Variants in CADM2 observed in about 807,000 individuals in gnomAD.
CADM2 encodes immunoglobulin superfamily member 4D.
CADM2 carries 12 observed loss-of-function variants against 49.8 expected under a neutral mutation model. The observed-to-expected ratio is 0.24, with a 90% confidence interval of 0.15 to 0.39. The LOEUF (loss-of-function observed/expected upper bound fraction) is 0.39. Among genes scored for constraint, CADM2 ranks in the 10% least tolerant of loss-of-function variants. CADM2 has a pLI of 1.00. For missense variants in CADM2, 378 were observed against 492.3 expected (o/e 0.77, Z 2.20); for synonymous variants, 214 against 175.4 (o/e 1.22, Z -1.74).
chr3:85,633,381 G>T (rs1399825932), intron 1 of CADM2, among the ~76,000 whole-genome samples: 3 of 151,966 alleles, frequency 2.0e-5, no homozygotes, highest in Non-Finnish European at 4.4e-5. Context: ...TATTGGAAAA[G>T]TATGAACTAT....
At chr3:85,204,357 T>C (rs537081941) in intron 1 of CADM2, among the ~76,000 whole-genome samples, 1 of 152,178 alleles carries the variant, frequency 6.6e-6, no homozygotes, top group Non-Finnish European at 1.5e-5. Flanking sequence ...ATATGTACCT[T>C]GCCACTCTAC....
At position 85,620,543 on chromosome 3, in the gene CADM2, A is replaced by G. The variant is rs1042059468; in HGVS notation, c.62-105979A>G. On this transcript the variant is annotated intron_variant, in intron 1 of 9. Coordinates refer to ENST00000383699, the MANE Select transcript of CADM2 (RefSeq NM_001167675.2). ...CATAACTGTAAGTTAGTGAATTTCC[A>G]TTATAAAATGGAAATTGTAAATACT... is the stretch of plus-strand genomic sequence containing the variant. Among the ~76,000 whole-genome samples, 5 of 152,082 alleles carry G rather than the reference A, an allele frequency of 3.3e-5. No individual in the cohort carries two copies. The East Asian group carries it at 9.6e-4, about 29-fold the overall frequency.
chr3:85,992,052 G>A (rs958481034), intron 8 of CADM2: 2 of 151,618 alleles, frequency 1.3e-5, no homozygotes, highest in East Asian at 1.9e-4. Context: ...AAAAGTTTTC[G>A]CTTCTTACTT....
intron 1 of CADM2, among the ~76,000 whole-genome samples, chr3:85,184,451 A>C (rs1160845667): frequency 6.6e-6 from 1 of 152,126 alleles, no homozygotes; most frequent in African/African-American, 2.4e-5. Context: ...ATGCAACTTT[A>C]AAAATATTAC....
rs1321028379 is a variant in CADM2, at chr3:85,237,992, T to G, written c.61+278324T>G. On this transcript the variant is annotated intron_variant, in intron 1 of 9. Transcript: ENST00000383699. Reference sequence around the variant, plus strand: ...GCTACTATTGTTGTTTAGTTTTTAATTAAAATATAGAAATAATAACAATAA... The same window carrying G: ...GCTACTATTGTTGTTTAGTTTTTAAGTAAAATATAGAAATAATAACAATAA... 2.6e-5 allele frequency among the ~76,000 whole-genome samples: 4 copies of G among 151,866 alleles called. No homozygotes were observed. In the South Asian group the frequency reaches 8.3e-4, roughly 31 times the overall value.
intron 8 of CADM2, among the ~76,000 whole-genome samples, chr3:86,007,323 A>T (rs1474293488): frequency 6.6e-6 from 1 of 152,198 alleles, no homozygotes; most frequent in African/African-American, 2.4e-5. Flanking sequence ...GTGATTAAAA[A>T]AACAGCAGCC....
intron 1 of CADM2, among the ~76,000 whole-genome samples, chr3:85,509,878 T>C (rs1326360532): frequency 6.6e-6 from 1 of 152,010 alleles, no homozygotes; most frequent in African/African-American, 2.4e-5. Flanking sequence ...TATATAGTAT[T>C]TAGCTTATTA....
chr3:85,526,038 T>G (rs186071147), intron 1 of CADM2, among the ~76,000 whole-genome samples: 28 of 152,262 alleles, frequency 1.8e-4, no homozygotes, highest in Non-Finnish European at 1.2e-4. Context: ...AATTATCTTT[T>G]CTCTCTGACA....
chr3:85,080,536 G>T (rs2037123345), intron 1 of CADM2, among the ~76,000 whole-genome samples: 1 of 152,096 alleles, frequency 6.6e-6, no homozygotes, highest in African/African-American at 2.4e-5. Context: ...ATTGTCGGTA[G>T]CAGTACCAAA....
intron 1 of CADM2, among the ~76,000 whole-genome samples, chr3:85,131,241 AT>A (rs1483954717): frequency 6.6e-6 from 1 of 152,224 alleles, no homozygotes; most frequent in Non-Finnish European, 1.5e-5. Context: ...TATCATGAAG[AT>A]TTTAAGAGAA....
chr3:85,601,115 C>G (rs1263647920), intron 1 of CADM2, among the ~76,000 whole-genome samples: 1 of 98,272 alleles, frequency 1.0e-5, no homozygotes. Context: ...ATATACTGTG[C>G]ATTTATATAT....
chr3:85,505,245 A>T (rs1448201287), intron 1 of CADM2, among the ~76,000 whole-genome samples: 2 of 152,202 alleles, frequency 1.3e-5, no homozygotes, highest in Non-Finnish European at 2.9e-5. Context: ...TCTCAATATC[A>T]CAAGTGTAAG....
intron 1 of CADM2, among the ~76,000 whole-genome samples, chr3:85,182,823 A>T (rs1216467461): frequency 6.6e-6 from 1 of 152,064 alleles, no homozygotes; most frequent in African/African-American, 2.4e-5. Flanking sequence ...AATTCTCTGT[A>T]TATTTTTTCT....
chr3:85,244,662 A>G (rs956755357), intron 1 of CADM2, among the ~76,000 whole-genome samples: 2 of 152,092 alleles, frequency 1.3e-5, no homozygotes, highest in African/African-American at 4.8e-5. Flanking sequence ...ATTCCTCTCC[A>G]CTGAAGGCTG....
At chr3:85,624,525 GT>G (rs1277688794) in intron 1 of CADM2, among the ~76,000 whole-genome samples, 4 of 151,934 alleles carry the variant, frequency 2.6e-5, no homozygotes, top group Non-Finnish European at 4.4e-5. Flanking sequence ...TAGAAGTGGG[GT>G]TTCACCATGT....
At chr3:85,575,289 C>T (rs1309602121) in intron 1 of CADM2, among the ~76,000 whole-genome samples, 12 of 152,224 alleles carry the variant, frequency 7.9e-5, no homozygotes, top group African/African-American at 1.7e-4. Flanking sequence ...CAGTGGCTCA[C>T]GCCTGTAATC....
chr3:85,137,762 T>C (rs2107621431), intron 1 of CADM2, among the ~76,000 whole-genome samples: 1 of 152,240 alleles, frequency 6.6e-6, no homozygotes, highest in South Asian at 2.1e-4. Flanking sequence ...TTAAAGCTTA[T>C]CCTAATTTTA....
intron 2 of CADM2, among the ~76,000 whole-genome samples, chr3:85,746,500 G>A (rs1296588554): frequency 6.6e-6 from 1 of 152,024 alleles, no homozygotes; most frequent in African/African-American, 2.4e-5. Flanking sequence ...CAACAAAATG[G>A]TATTTTGTGC....
chr3:85,748,478 C>CT, intron 2 of CADM2, among the ~76,000 whole-genome samples: 1 of 152,174 alleles, frequency 6.6e-6, no homozygotes, highest in East Asian at 1.9e-4. Context: ...TGCAGGAACT[C>CT]TGACTGTATC....
Sources: allele counts gnomAD v4.1 joint callset (sites outside exome capture counted in the v4.1 genomes callset), GRCh38; gene constraint gnomAD v4.1.1; transcripts MANE v1.5; gene names NCBI Gene and HGNC (gene_info 2026-07-23, HGNC 2026-07-21).